Variants in SPSB4 observed in about 807,000 individuals in gnomAD.
SPSB4 encodes splA/ryanodine receptor domain and SOCS box containing 4.
Under a neutral mutation model 20.9 loss-of-function variants are expected in SPSB4, and 21 were observed. The observed-to-expected ratio is 1.01, with a 90% CI of 0.71 to 1.45. The LOEUF is 1.45. Among genes scored for constraint, SPSB4 ranks in the 40% most tolerant of loss-of-function variants. SPSB4 has a pLI of 0.00. For missense variants in SPSB4, 399 were observed against 399.2 expected (o/e 1.00, Z 0.00); for synonymous variants, 207 against 183.8 (o/e 1.13, Z -1.02).
intron 2 of SPSB4, among the ~76,000 whole-genome samples, chr3:141,139,431 C>T (rs1244121708): frequency 6.6e-6 from 1 of 152,208 alleles, no homozygotes; most frequent in Non-Finnish European, 1.5e-5. Context: ...TTCCTAGCCT[C>T]GATGGTCTTT....
intron 2 of SPSB4, among the ~76,000 whole-genome samples, chr3:141,111,528 G>A (rs77758011): frequency 0.014 from 2,079 of 152,082 alleles, 48 homozygotes; most frequent in African/African-American, 0.048. Flanking sequence ...AGATTGAACT[G>A]TTGAGGCAGG....
chr3:141,146,296 A>T (rs1237947345), intron 2 of SPSB4, among the ~76,000 whole-genome samples: 1 of 152,160 alleles, frequency 6.6e-6, no homozygotes, highest in Non-Finnish European at 1.5e-5. Context: ...TAGGTGCTGG[A>T]AGAAAATGTA....
chr3:141,085,297 TA>T (rs1247385094), intron 2 of SPSB4, among the ~76,000 whole-genome samples: 4 of 152,170 alleles, frequency 2.6e-5, no homozygotes, highest in African/African-American at 9.7e-5. Context: ...TGCCTAATAC[TA>T]TGGGCTTAAA....
At chr3:141,083,107 G>A (rs549197673) in intron 2 of SPSB4, among the ~76,000 whole-genome samples, 2 of 152,218 alleles carry the variant, frequency 1.3e-5, no homozygotes, top group East Asian at 1.9e-4. Context: ...TGGCCTCAAC[G>A]TGGTGATCTG....
intron 1 of SPSB4, among the ~76,000 whole-genome samples, chr3:141,053,175 C>T (rs1051129727): frequency 7.2e-5 from 11 of 152,062 alleles, no homozygotes; most frequent in African/African-American, 2.7e-4. Context: ...TCCTTTCTCT[C>T]AGACTCTGAG....
rs186763218 is a variant in SPSB4, at chr3:141,109,244, T to C, written c.695-37898T>C. ...GCAGCAGTCCACTCACACCTTGCCA[T>C]GCACCTTGCTTCCATCACTTCATAT... On this transcript the variant is annotated intron_variant, in intron 2 of 2. Transcript: ENST00000310546. Among the ~76,000 whole-genome samples, 7 of 152,252 alleles carry C rather than the reference T, an allele frequency of 4.6e-5. No homozygotes were observed. In the East Asian group the frequency reaches 1.4e-3, roughly 29 times the overall value.
At chr3:141,117,548 T>C (rs1432917003) in intron 2 of SPSB4, among the ~76,000 whole-genome samples, 1 of 152,234 alleles carries the variant, frequency 6.6e-6, no homozygotes, top group Non-Finnish European at 1.5e-5. Context: ...ATGTGTACAA[T>C]GTGCAGGTTT....
chr3:141,144,473 A>C (rs1939380705), intron 2 of SPSB4, among the ~76,000 whole-genome samples: 1 of 152,238 alleles, frequency 6.6e-6, no homozygotes, highest in Non-Finnish European at 1.5e-5. Context: ...GAAAAGCCTC[A>C]AAGCCAGGAG....
intron 2 of SPSB4, among the ~76,000 whole-genome samples, chr3:141,119,694 T>C (rs1186814585): frequency 2.0e-5 from 3 of 152,234 alleles, no homozygotes; most frequent in African/African-American, 7.2e-5. Flanking sequence ...CTAGTTTATT[T>C]GTGTAGAGGT....
chr3:141,121,675 C>T (rs182531480), intron 2 of SPSB4, among the ~76,000 whole-genome samples: 141 of 152,316 alleles, frequency 9.3e-4, no homozygotes, highest in Middle Eastern at 3.4e-3. Context: ...TCTTCAATCA[C>T]TGATGTCCTT....
chr3:141,092,114 A>G (rs531993997), intron 2 of SPSB4, among the ~76,000 whole-genome samples: 1 of 152,302 alleles, frequency 6.6e-6, no homozygotes, highest in South Asian at 2.1e-4. Context: ...TCAGTTTTGA[A>G]TCAGACGGAG....
chr3:141,133,159 T>A (rs1939163993), intron 2 of SPSB4, among the ~76,000 whole-genome samples: 1 of 152,238 alleles, frequency 6.6e-6, no homozygotes, highest in Admixed American at 6.5e-5. Context: ...GATTATTTGT[T>A]TTTTTCTTGC....
rs142538514 is a variant in SPSB4, at chr3:141,141,942, C to A, written c.695-5200C>A. 1.9e-3 allele frequency among the ~76,000 whole-genome samples: 284 copies of A among 152,152 alleles called. 1 individual carries two copies. The highest frequency in any genetic ancestry group is 6.7e-3 in the African/African-American group (277 of 41,504). ...TTATTTGGATCTTCTCTTGTCTTTT[C>A]TTGGTTATTCTCATTAATGGTCTAT... On this transcript the variant is annotated intron_variant, in intron 2 of 2. Coordinates refer to ENST00000310546, the MANE Select transcript of SPSB4 (RefSeq NM_080862.3).
At chr3:141,075,544 T>C (rs1938089249) in intron 2 of SPSB4, among the ~76,000 whole-genome samples, 1 of 152,152 alleles carries the variant, frequency 6.6e-6, no homozygotes, top group Admixed American at 6.5e-5. Flanking sequence ...AACCTCAGTG[T>C]GCATTCAAGC....
At chr3:141,119,422 C>A (rs1002137887) in intron 2 of SPSB4, among the ~76,000 whole-genome samples, 1 of 152,204 alleles carries the variant, frequency 6.6e-6, no homozygotes, top group African/African-American at 2.4e-5. Context: ...CATGTACAAT[C>A]ATGTCTTCTG....
chr3:141,064,642 G>A (rs908090417), intron 1 of SPSB4, among the ~76,000 whole-genome samples: 2 of 152,184 alleles, frequency 1.3e-5, no homozygotes, highest in South Asian at 4.1e-4. Context: ...GGGAGGTTGA[G>A]GCTGGGGAGG....
chr3:141,078,327 C>A (rs1938157784), intron 2 of SPSB4, among the ~76,000 whole-genome samples: 1 of 152,216 alleles, frequency 6.6e-6, no homozygotes, highest in Non-Finnish European at 1.5e-5. Context: ...CACAAGCTTC[C>A]CAGTTGACTT....
intron 1 of SPSB4, among the ~76,000 whole-genome samples, chr3:141,052,797 G>A (rs1021620332): frequency 6.6e-6 from 1 of 152,090 alleles, no homozygotes; most frequent in African/African-American, 2.4e-5. Flanking sequence ...GGAGGGAGGG[G>A]GTCAGAGACT....
intron 2 of SPSB4, among the ~76,000 whole-genome samples, chr3:141,102,455 G>A (rs1171592772): frequency 6.6e-6 from 1 of 152,170 alleles, no homozygotes; most frequent in Non-Finnish European, 1.5e-5. Context: ...TGTCTTGAGA[G>A]CCAGAGAAGG....
Sources: allele counts gnomAD v4.1 joint callset (sites outside exome capture counted in the v4.1 genomes callset), GRCh38; gene constraint gnomAD v4.1.1; transcripts MANE v1.5; gene names NCBI Gene and HGNC (gene_info 2026-07-23, HGNC 2026-07-21).